STARD13: variants seen among roughly 807,000 people sequenced by gnomAD.
The protein encoded by STARD13 is StAR related lipid transfer domain containing 13.
In STARD13, 62 loss-of-function variants were observed where a neutral mutation model predicts 106.4. The observed-to-expected ratio is 0.58, with a 90% CI of 0.48 to 0.72. The LOEUF (loss-of-function observed/expected upper bound fraction) is 0.72, where lower values mean the gene tolerates loss of function less well. Ranked by LOEUF, STARD13 falls within the 30% of genes least tolerant of loss-of-function variation. The pLI is 0.00. For synonymous variants in STARD13, 565 were observed against 553.0 expected (o/e 1.02, Z -0.31); for missense variants, 1,387 against 1,424.0 (o/e 0.97, Z 0.42).
intron 1 of STARD13, among the ~76,000 whole-genome samples, chr13:33,334,496 G>A (rs377546923): frequency 1.4e-4 from 21 of 152,250 alleles, no homozygotes; most frequent in African/African-American, 4.8e-4. Flanking sequence ...GATGACATAC[G>A]GAAAAACCCT....
chr13:33,182,741 G>C (rs558089704), intron 1 of STARD13, among the ~76,000 whole-genome samples: 1 of 152,364 alleles, frequency 6.6e-6, no homozygotes, highest in East Asian at 1.9e-4. Flanking sequence ...GTCTAAACCA[G>C]GACTTCTGCA....
downstream of STARD13, among the ~76,000 whole-genome samples, chr13:33,344,256 T>G (rs537516452): frequency 1.2e-3 from 184 of 152,368 alleles, no homozygotes; most frequent in African/African-American, 4.3e-3. Context: ...ATAAGTGATG[T>G]GCTCTTCTTT....
In STARD13 at chr13:33,110,838, C is replaced by T; in HGVS notation, c.2677G>A (p.Glu893Lys). ...TCCTCCAGCTGTGTCCCCAATTCTT[C>T]CAGGGTTGGCACGTGGATCTCAGCC... The part of the protein sequence containing the change: ...VEAEIHVPTL[E>K]ELGTQLEESG... Residue 893 changes from glutamate to lysine, a missense_variant, in exon 11 of 14, where the codon GAA becomes AAA. By Grantham distance (56) the Glu-to-Lys change is moderately conservative. Coordinates refer to ENST00000336934, the MANE Select transcript of STARD13 (RefSeq NM_178006.4). 1 of 1,614,080 alleles carries T rather than the reference C, an allele frequency of 6.2e-7. No individual in the cohort carries two copies. Among genetic ancestry groups the T allele is most frequent in the Non-Finnish European group, 8.5e-7 (1 of 1,180,026 alleles).
intron 1 of STARD13, among the ~76,000 whole-genome samples, chr13:33,306,237 T>C (rs1017585096): frequency 4.6e-5 from 7 of 152,226 alleles, no homozygotes; most frequent in African/African-American, 1.7e-4. Context: ...AAGGATTCCC[T>C]ACTTAATAAA....
At position 33,276,704 on chromosome 13, in the gene STARD13, A is replaced by C. The variant is rs1423530629; in HGVS notation, c.169+8766T>G. On this transcript the variant is annotated intron_variant, in intron 1 of 13. Coordinates refer to ENST00000336934, the MANE Select transcript of STARD13 (RefSeq NM_178006.4). ...AGGAAGGGGAGAGTTGGAATGCAGG[A>C]AGAGAATGCCTACTTCAGCTCGAAA... is the stretch of plus-strand genomic sequence containing the variant. The C allele has an allele frequency of 2.6e-5, 4 of 152,288 alleles. No individual in the cohort carries two copies. The East Asian group carries it at 7.7e-4, about 29-fold the overall frequency. The allele number at this position is 152,288 out of a possible 1,614,324, so 9.4% of individuals were successfully genotyped here. A position where few individuals can be genotyped will look rare whatever the true frequency, so the allele number is the denominator to read the frequency against.
chr13:33,305,192 G>C (rs1464422607), intron 1 of STARD13, among the ~76,000 whole-genome samples: 1 of 152,158 alleles, frequency 6.6e-6, no homozygotes, highest in African/African-American at 2.4e-5. Flanking sequence ...GCAGTCCCAA[G>C]CTTTTGATGT....
At chr13:33,624,544 ATCTT>A in the STARD13 span, among the ~76,000 whole-genome samples, 1 of 152,224 alleles carries the variant, frequency 6.6e-6, no homozygotes, top group Non-Finnish European at 1.5e-5. Context: ...TCTTCCTCAC[ATCTT>A]TAATTACCCA....
chr13:33,622,101 G>A, the STARD13 span, among the ~76,000 whole-genome samples: 2 of 151,986 alleles, frequency 1.3e-5, no homozygotes, highest in African/African-American at 4.8e-5. Context: ...CACTGTGGAG[G>A]CCTGCACTTG....
intron 3 of STARD13, among the ~76,000 whole-genome samples, chr13:33,161,052 C>T (rs116895239): frequency 0.01 from 1,529 of 152,246 alleles, 28 homozygotes; most frequent in South Asian, 0.072. Context: ...AACCGTAGGA[C>T]ATCCATACAA....
At chr13:33,661,723 T>A in the STARD13 span, among the ~76,000 whole-genome samples, 1 of 152,028 alleles carries the variant, frequency 6.6e-6, no homozygotes, top group African/African-American at 2.4e-5. Flanking sequence ...ACCGCCCCCA[T>A]GATTGAATTA....
rs191317746 is a variant in STARD13 at position 33,337,825 on chromosome 13, C to T, written c.124+12465G>A. On this transcript the variant is annotated intron_variant, in intron 1 of 5. Transcript: ENST00000567873. The stretch of plus-strand genomic sequence containing the variant: ...AGTGCAGGACCAGCTACATCATTTG[C>T]AGGGTCCAAGACAGAATGAAAATGT... 5.3e-3 allele frequency among the ~76,000 whole-genome samples: 802 copies of T among 152,334 alleles called. 28 individuals are homozygous for T. Among genetic ancestry groups the T allele is most frequent in the Non-Finnish European group, 9.8e-4 (67 of 68,036 alleles).
At chr13:33,299,627 G>A (rs998968303) in intron 1 of STARD13, among the ~76,000 whole-genome samples, 3 of 152,178 alleles carry the variant, frequency 2.0e-5, no homozygotes, top group Non-Finnish European at 2.9e-5. Flanking sequence ...TCAGATTTGA[G>A]AAGTTATCCT....
Position 33,129,730 on chromosome 13 carries a change from G to T in STARD13, c.947C>A (p.Pro316Gln). The change falls in exon 5 of 14, where the codon CCA becomes CAA. Residue 316 changes from proline (P) to glutamine (Q), a missense_variant. Coordinates refer to ENST00000336934, the MANE Select transcript of STARD13 (RefSeq NM_178006.4). ...TGGGAGCCCTTTTCTGCAGGCAGGT[G>T]GCGGCGAATTCTGGAGATCTCCATT... ...IPNGDLQNSP[P>Q]PACRKGLPCS... 6.2e-7 allele frequency: 1 copy of T among 1,614,134 alleles called. No individual in the cohort carries two copies.
the STARD13 span, among the ~76,000 whole-genome samples, chr13:33,536,715 C>T: frequency 6.6e-6 from 1 of 152,154 alleles, no homozygotes; most frequent in East Asian, 1.9e-4. Context: ...AACTGTAAAA[C>T]CACCTGGTTT....
chr13:33,248,191 G>C (rs1056957436), intron 1 of STARD13, among the ~76,000 whole-genome samples: 6 of 152,092 alleles, frequency 3.9e-5, no homozygotes, highest in African/African-American at 1.2e-4. Context: ...CTTGAGTCCA[G>C]GAGTTCAAGA....
chr13:33,483,903 T>C, the STARD13 span, among the ~76,000 whole-genome samples: 3 of 152,222 alleles, frequency 2.0e-5, no homozygotes, highest in Non-Finnish European at 4.4e-5. Context: ...ATGAAAAGTA[T>C]ATGATTTTCC....
At chr13:33,420,821 C>T in the STARD13 span, among the ~76,000 whole-genome samples, 1 of 152,188 alleles carries the variant, frequency 6.6e-6, no homozygotes, top group Non-Finnish European at 1.5e-5. Context: ...TGCACAACCA[C>T]ATGGAAACTG....
At chr13:33,232,212 C>T (rs775836569) in intron 1 of STARD13, among the ~76,000 whole-genome samples, 2 of 152,088 alleles carry the variant, frequency 1.3e-5, no homozygotes, top group Non-Finnish European at 2.9e-5. Context: ...ACTTGGTAGG[C>T]TGAAGCAGGA....
rs1475947804 is a variant in STARD13 at position 33,285,653 on chromosome 13, T to C, written c.-15A>G. ...TGACTGAACATCTCGGCAGATTTCC[T>C]ATTGCCACCTCAGTCTGCCTGTGGC... On this transcript the variant is annotated 5_prime_UTR_variant, in exon 1 of 14. In the 5' UTR this introduces an upstream ATG that the reference lacks. Coordinates refer to ENST00000336934, the MANE Select transcript of STARD13 (RefSeq NM_178006.4). The C allele has an allele frequency of 1.2e-6, 2 of 1,611,382 alleles. No individual in the cohort carries two copies. Among genetic ancestry groups the C allele is most frequent in the Non-Finnish European group, 1.7e-6 (2 of 1,179,438 alleles).
Sources: gnomAD v4.1 joint callset for allele counts (sites outside exome capture counted in the v4.1 genomes callset) on GRCh38, gnomAD v4.1.1 for gene constraint, MANE v1.5 for transcripts, NCBI Gene and HGNC (gene_info 2026-07-23, HGNC 2026-07-21) for gene names.